Variants in MFHAS1 observed in about 807,000 individuals in gnomAD.
MFHAS1 encodes the protein multifunctional ROCO family signaling regulator 1.
Under a neutral mutation model 70.4 loss-of-function variants are expected in MFHAS1, and 50 were observed. That is an observed-to-expected ratio of 0.71 (90% CI 0.57 to 0.90). MFHAS1 has a LOEUF of 0.90. Ranked by LOEUF, MFHAS1 falls within the 40% of genes least tolerant of loss-of-function variation. The pLI is 0.00. For synonymous variants in MFHAS1, 952 were observed against 620.0 expected (o/e 1.54, Z -7.96); for missense variants, 1,795 against 1,347.6 (o/e 1.33, Z -5.20).
chr8:8,830,044 G>A (rs953981047), intron 1 of MFHAS1, among the ~76,000 whole-genome samples: 3 of 152,196 alleles, frequency 2.0e-5, no homozygotes, highest in Non-Finnish European at 2.9e-5. Context: ...TCTCCCAGGG[G>A]AGGTCGAAGC....
At chr8:8,864,179 C>T (rs1324181600) in intron 1 of MFHAS1, among the ~76,000 whole-genome samples, 6 of 152,228 alleles carry the variant, frequency 3.9e-5, no homozygotes, top group Non-Finnish European at 8.8e-5. Context: ...CAGTGATTGG[C>T]TTTCTGTGCG....
At chr8:8,809,045 G>A (rs1038847219) in intron 1 of MFHAS1, among the ~76,000 whole-genome samples, 2 of 152,048 alleles carry the variant, frequency 1.3e-5, no homozygotes, top group Non-Finnish European at 2.9e-5. Flanking sequence ...ATAAGAGTGG[G>A]CAAACCCTAC....
intron 1 of MFHAS1, among the ~76,000 whole-genome samples, chr8:8,813,255 A>G (rs1390651695): frequency 6.6e-6 from 1 of 152,220 alleles, no homozygotes; most frequent in Non-Finnish European, 1.5e-5. Context: ...AGCACATACA[A>G]TTATGTACAG....
intron 1 of MFHAS1, among the ~76,000 whole-genome samples, chr8:8,818,072 C>T (rs1199428454): frequency 1.3e-5 from 2 of 152,144 alleles, no homozygotes; most frequent in African/African-American, 4.8e-5. Flanking sequence ...GAAATCATGG[C>T]CACCCATACG....
rs189984485 is a variant in MFHAS1, at chr8:8,788,841, G to C, written c.3126-2786C>G. Among the ~76,000 whole-genome samples the C allele has an allele frequency of 3.6e-3, 547 of 152,304 alleles. 5 individuals carry two copies. The highest frequency in any genetic ancestry group is 0.013 in the African/African-American group (529 of 41,572). On this transcript the variant is annotated intron_variant, in intron 2 of 2. Coordinates refer to ENST00000276282, the MANE Select transcript of MFHAS1 (RefSeq NM_004225.3). ...AGAGAAGGGCAGCAGCCAGCCAGTG[G>C]ACTGAGAGGCAGCCACGGCCCACCA...
At position 8,785,947 on chromosome 8, in the gene MFHAS1, G is replaced by T. The variant is rs1805526777; in HGVS notation, c.*75C>A. On this transcript the variant is annotated 3_prime_UTR_variant, in exon 3 of 3. Transcript: ENST00000276282. ...GAACACGCTGGGGTGAGTGCAGAGG[G>T]TCTGCCAGGTGCAAAAGATGGTCCA... is the stretch of plus-strand genomic sequence containing the variant. 17 of 1,480,150 alleles carry T rather than the reference G, an allele frequency of 1.1e-5. No homozygotes were observed. The highest frequency in any genetic ancestry group is 1.6e-5 in the Non-Finnish European group (17 of 1,058,044). The allele number at this position is 1,480,150 out of a possible 1,614,324, so 91.7% of individuals were successfully genotyped here.
chr8:8,877,501 G>C (rs1368559683), intron 1 of MFHAS1, among the ~76,000 whole-genome samples: 1 of 152,148 alleles, frequency 6.6e-6, no homozygotes, highest in Admixed American at 6.6e-5. Context: ...ATTTAGAGCA[G>C]GGAAAATCGA....
At chr8:8,807,211 C>G (rs576463913) in intron 1 of MFHAS1, among the ~76,000 whole-genome samples, 2 of 152,098 alleles carry the variant, frequency 1.3e-5, no homozygotes, top group African/African-American at 2.4e-5. Context: ...ACCAAGAGCG[C>G]TCACCAAAAG....
At chr8:8,837,371 A>C (rs1207864762) in intron 1 of MFHAS1, among the ~76,000 whole-genome samples, 1 of 152,200 alleles carries the variant, frequency 6.6e-6, no homozygotes, top group East Asian at 1.9e-4. Context: ...GGCCAGGCGC[A>C]GTGGCTCACG....
chr8:8,871,595 T>C (rs1176749016), intron 1 of MFHAS1, among the ~76,000 whole-genome samples: 2 of 152,216 alleles, frequency 1.3e-5, no homozygotes, highest in African/African-American at 2.4e-5. Context: ...TATTCATTCA[T>C]TTCCCCCTCA....
At chr8:8,796,688 CAAA>C (rs55756300) in intron 2 of MFHAS1, among the ~76,000 whole-genome samples, 1 of 24,774 alleles carries the variant, frequency 4.0e-5, no homozygotes, top group Non-Finnish European at 6.9e-5. Context: ...CGTCTCAAAA[CAAA>C]AAAAAAAAAA....
intron 1 of MFHAS1, among the ~76,000 whole-genome samples, chr8:8,876,306 C>G (rs556754390): frequency 6.6e-6 from 1 of 152,128 alleles, no homozygotes; most frequent in Non-Finnish European, 1.5e-5. Context: ...ATCTATAAAG[C>G]AAATACAAAC....
At chr8:8,807,282 G>A (rs546549533) in intron 1 of MFHAS1, among the ~76,000 whole-genome samples, 101 of 152,052 alleles carry the variant, frequency 6.6e-4, no homozygotes, top group African/African-American at 2.3e-3. Flanking sequence ...AAAGCCTGAC[G>A]AATGTGACCA....
chr8:8,869,332 A>G (rs1305937990), intron 1 of MFHAS1, among the ~76,000 whole-genome samples: 1 of 152,228 alleles, frequency 6.6e-6, no homozygotes, highest in Non-Finnish European at 1.5e-5. Context: ...AGCTAGAACA[A>G]AAGCTGATTC....
Position 8,785,755 on chromosome 8 carries a change from C to A in MFHAS1, c.*267G>T. 9.8e-4 allele frequency: 170 copies of A among 173,314 alleles called. No homozygotes were observed. Among genetic ancestry groups the A allele is most frequent in the Non-Finnish European group, 1.3e-3 (118 of 91,820 alleles). 10.7% of individuals were successfully genotyped at this position (173,314 alleles called of 1,614,324 possible). ...CATTCGACTTTTTTTTTTTTTTTTT[C>A]TTTTCTTCAAGTAGCGCGCTCCTTG... On this transcript the variant is annotated 3_prime_UTR_variant, in exon 3 of 3. Coordinates refer to ENST00000276282, the MANE Select transcript of MFHAS1 (RefSeq NM_004225.3).
intron 2 of MFHAS1, among the ~76,000 whole-genome samples, chr8:8,787,684 A>T (rs1441425496): frequency 6.6e-6 from 1 of 152,240 alleles, no homozygotes; most frequent in Non-Finnish European, 1.5e-5. Flanking sequence ...GTAAAAACAC[A>T]CGTCTCAACC....
Position 8,892,187 on chromosome 8 carries a change from G to T in MFHAS1, c.872C>A (p.Ala291Glu). Residue 291 changes from alanine to glutamate, a missense_variant, in exon 1 of 3, where the codon GCG becomes GAG. By Grantham distance (107) the Ala-to-Glu change is moderately radical. Coordinates refer to ENST00000276282, the MANE Select transcript of MFHAS1 (RefSeq NM_004225.3). The surrounding 1 kb of genome is among the most constrained non-coding windows in gnomAD (Gnocchi z 4.7). ...SSNLFEEFPA[A>E]LLPLAGLEEL... Reference sequence around the variant, plus strand: ...CTCCAGACCAGCCAGGGGCAGCAGCGCGGCAGGGAACTCCTCGAAGAGGTT... The same window carrying T: ...CTCCAGACCAGCCAGGGGCAGCAGCTCGGCAGGGAACTCCTCGAAGAGGTT... 6.2e-7 allele frequency: 1 copy of T among 1,610,102 alleles called. No homozygotes were observed. The highest frequency in any genetic ancestry group is 8.5e-7 in the Non-Finnish European group (1 of 1,179,992).
chr8:8,803,645 T>A (rs1806163956), intron 1 of MFHAS1, among the ~76,000 whole-genome samples: 1 of 152,104 alleles, frequency 6.6e-6, no homozygotes, highest in South Asian at 2.1e-4. Flanking sequence ...TTGTATTGTA[T>A]TAGTTATTAT....
intron 1 of MFHAS1, among the ~76,000 whole-genome samples, chr8:8,884,586 G>A (rs950031172): frequency 6.6e-6 from 1 of 152,168 alleles, no homozygotes; most frequent in Admixed American, 6.5e-5. Context: ...GTGAGGGGGA[G>A]GGAGTTGGGA....
Sources: gnomAD v4.1 joint callset for allele counts (sites outside exome capture counted in the v4.1 genomes callset) on GRCh38, gnomAD v4.1.1 for gene constraint, Gnocchi (gnomAD v3.1) non-coding constraint, MANE v1.5 for transcripts, NCBI Gene and HGNC (gene_info 2026-07-23, HGNC 2026-07-21) for gene names.